The following DSC1 variants were observed in gnomAD, a reference collection of about 807,000 sequenced individuals.
DSC1 encodes the protein desmocollin-1.
Under a neutral mutation model 98.8 loss-of-function variants are expected in DSC1, and 79 were observed. That is an observed-to-expected ratio of 0.80 (90% CI 0.67 to 0.96). DSC1 has a LOEUF of 0.96. Among genes scored for constraint, DSC1 ranks in the 50% least tolerant of loss-of-function variants. The probability of loss-of-function intolerance (pLI) is 0.00; values close to 1 mark genes in which losing one functional copy is unlikely to be tolerated. For synonymous variants in DSC1, 405 were observed against 372.1 expected (o/e 1.09, Z -1.02); for missense variants, 1,115 against 1,075.9 (o/e 1.04, Z -0.51).
chr18:31,144,411 T>C (rs569178170), intron 7 of DSC1, among the ~76,000 whole-genome samples: 1 of 152,176 alleles, frequency 6.6e-6, no homozygotes, highest in South Asian at 2.1e-4. Flanking sequence ...GACAATGAAA[T>C]ATTATTCAGT....
At chr18:31,154,439 A>T (rs1344181450) in intron 5 of DSC1, among the ~76,000 whole-genome samples, 1 of 152,126 alleles carries the variant, frequency 6.6e-6, no homozygotes, top group Non-Finnish European at 1.5e-5. Flanking sequence ...ATGACTTATA[A>T]TGTACAGCCA....
At chr18:31,137,609 A>T (rs1988638317) in intron 11 of DSC1, among the ~76,000 whole-genome samples, 1 of 152,208 alleles carries the variant, frequency 6.6e-6, no homozygotes, top group South Asian at 2.1e-4. Context: ...GCTTGTTAGG[A>T]GAACAGAATA....
Position 31,162,658 on chromosome 18 carries a change from C to A in DSC1, c.-64G>T, listed in dbSNP as rs116786335. ...ACAGGGCAGCCTGGGATGCACAGAG[C>A]GGCTAAGAAGACGCTGGCACTTGCA... On this transcript the variant is annotated 5_prime_UTR_variant, in exon 1 of 16. Coordinates refer to ENST00000257198, the MANE Select transcript of DSC1 (RefSeq NM_024421.2). The A allele has an allele frequency of 6.1e-4, 912 of 1,489,978 alleles. 2 individuals are homozygous for A. The African/African-American group carries it at 0.012, about 19-fold the overall frequency. 92.3% of individuals were successfully genotyped at this position (1,489,978 alleles called of 1,614,324 possible). A position where few individuals can be genotyped will look rare whatever the true frequency, so the allele number is the denominator to read the frequency against.
chr18:31,158,279 TAAG>T (rs1989140851), intron 2 of DSC1, among the ~76,000 whole-genome samples: 1 of 152,072 alleles, frequency 6.6e-6, no homozygotes, highest in Non-Finnish European at 1.5e-5. Flanking sequence ...AATAAATAAA[TAAG>T]AAGAAAACCA....
chr18:31,141,587 TAG>T (rs1401643269), intron 9 of DSC1, among the ~76,000 whole-genome samples: 4 of 152,266 alleles, frequency 2.6e-5, no homozygotes, highest in Admixed American at 1.3e-4. Context: ...GAATACATCA[TAG>T]AGAGGTAAAA....
intron 5 of DSC1, among the ~76,000 whole-genome samples, chr18:31,150,370 CACCA>C (rs1568002864): frequency 3.7e-3 from 2 of 536 alleles, no homozygotes; most frequent in African/African-American, 0.016. Context: ...TCATCACCAC[CACCA>C]TCATCACCAC....
At chr18:31,147,307 C>T (rs912347571) in intron 6 of DSC1, among the ~76,000 whole-genome samples, 7 of 151,972 alleles carry the variant, frequency 4.6e-5, no homozygotes, top group South Asian at 4.1e-4. Context: ...GTTTCATAAA[C>T]GCACCTGTGA....
chr18:31,138,564 T>G (rs1474462549), intron 11 of DSC1, among the ~76,000 whole-genome samples: 1 of 151,446 alleles, frequency 6.6e-6, no homozygotes, highest in Non-Finnish European at 1.5e-5. Flanking sequence ...TTTGCCAACA[T>G]AGAAAAAAGT....
chr18:31,143,604 GT>G (rs1988781999), intron 8 of DSC1, 52 bp downstream of exon 8: 1 of 1,389,222 alleles, frequency 7.2e-7, no homozygotes, highest in Non-Finnish European at 9.4e-7. Context: ...TTCTAGACAT[GT>G]TTTTTGAAAA....
chr18:31,152,863 C>A (rs536871993), intron 5 of DSC1, among the ~76,000 whole-genome samples: 1 of 142,322 alleles, frequency 7.0e-6, no homozygotes, highest in Non-Finnish European at 1.5e-5. Context: ...TCTATTCTAT[C>A]CTGCTTCAAG....
chr18:31,156,249 T>C, intron 3 of DSC1, 87 bp from the exon 4 acceptor site: 1 of 1,508,422 alleles, frequency 6.6e-7, no homozygotes, highest in Non-Finnish European at 9.0e-7. Context: ...AACAAGCAGA[T>C]GTAAGGGTTA....
chr18:31,151,349 G>C (rs940096227), intron 5 of DSC1, among the ~76,000 whole-genome samples: 7 of 152,076 alleles, frequency 4.6e-5, no homozygotes, highest in African/African-American at 1.7e-4. Context: ...CTCTCTAGGA[G>C]AATTGACTTA....
chr18:31,159,047 G>GTTTTTTTTTTTGTTTT (rs1555646387), intron 2 of DSC1, among the ~76,000 whole-genome samples: 1 of 71,098 alleles, frequency 1.4e-5, no homozygotes, highest in African/African-American at 5.8e-5. Context: ...CTACTATGTG[G>GTTTTTTTTTTTGTTTT]TTTTTTTTTT....
In DSC1 at chr18:31,154,824, C is replaced by A; in HGVS notation, c.577G>T (p.Asp193Tyr). The change falls in exon 5 of 16, where the codon GAT becomes TAT. Residue 193 changes from aspartate (D) to tyrosine (Y), a missense_variant. Physicochemically the swap from Asp to Tyr is radical, Grantham distance 160. Coordinates refer to ENST00000257198, the MANE Select transcript of DSC1 (RefSeq NM_024421.2). ...TCAATGCTCCTTGTACAAAAGATAT[C>A]CCCAGTGTCTTTCTCTATGTAAAAC... The part of the protein sequence containing the change: ...NLFYIEKDTG[D>Y]IFCTRSIDRE... 1 of 1,613,936 alleles carries A rather than the reference C, an allele frequency of 6.2e-7. No homozygotes were observed. The highest frequency in any genetic ancestry group is 8.5e-7 in the Non-Finnish European group (1 of 1,179,900).
At chr18:31,146,608 T>C (rs1312045246) in intron 6 of DSC1, among the ~76,000 whole-genome samples, 1 of 152,194 alleles carries the variant, frequency 6.6e-6, no homozygotes, top group Non-Finnish European at 1.5e-5. Flanking sequence ...TACCTAGTAA[T>C]GGCATTGCTG....
intron 12 of DSC1, 61 bp downstream of exon 12, chr18:31,134,511 T>A: frequency 7.7e-7 from 1 of 1,299,920 alleles, no homozygotes. Flanking sequence ...TAAACTAAGG[T>A]GAAAGAACCA....
intron 14 of DSC1, 105 bp downstream of exon 14, chr18:31,132,463 T>C (rs1003787731): frequency 1.4e-6 from 2 of 1,465,930 alleles, no homozygotes; most frequent in Admixed American, 3.8e-5. Flanking sequence ...CTTAGCATAG[T>C]AAGTGCTCAA....
In DSC1 at chr18:31,134,824, A is replaced by G. The variant is rs777942629; in HGVS notation, c.1664-40T>C. 58 of 1,550,794 alleles carry G rather than the reference A, an allele frequency of 3.7e-5. No individual in the cohort carries two copies. In the South Asian group the frequency reaches 6.3e-4, roughly 17 times the overall value. ...AAATAGGTTATTTCTTCACATGAAA[A>G]TGCATTTATTTTCAACAATTTATAA... On this transcript the variant is annotated intron_variant, in intron 11 of 15. Transcript: ENST00000257198.
At chr18:31,154,732 T>C in intron 5 of DSC1, 42 bp downstream of exon 5, 2 of 1,484,814 alleles carry the variant, frequency 1.3e-6, no homozygotes, top group Non-Finnish European at 1.8e-6. Flanking sequence ...AGTAAGCCAG[T>C]AATAAAGATA....
Sources: allele counts gnomAD v4.1 joint callset (sites outside exome capture counted in the v4.1 genomes callset), GRCh38; gene constraint gnomAD v4.1.1; transcripts MANE v1.5; gene names NCBI Gene and HGNC (gene_info 2026-07-23, HGNC 2026-07-21).